The following SGCZ variants were observed in gnomAD, a reference collection of about 807,000 sequenced individuals.
SGCZ encodes the protein zeta-sarcoglycan.
In SGCZ, 40 loss-of-function variants were observed where a neutral mutation model predicts 41.3. That is an observed-to-expected ratio of 0.97 (90% CI 0.75 to 1.26). SGCZ has a LOEUF of 1.26. SGCZ is among the 50% of genes most tolerant of loss of function. The pLI is 0.00. For missense variants in SGCZ, 552 were observed against 369.8 expected (o/e 1.49, Z -4.04); for synonymous variants, 206 against 137.5 (o/e 1.50, Z -3.49).
At chr8:14,567,282 G>A (rs775111056) in intron 1 of SGCZ, among the ~76,000 whole-genome samples, 3 of 152,222 alleles carry the variant, frequency 2.0e-5, no homozygotes, top group Non-Finnish European at 4.4e-5. Context: ...GATCCACTGG[G>A]TGAAGCCAGC....
chr8:15,074,614 T>G (rs944553871), intron 1 of SGCZ, among the ~76,000 whole-genome samples: 5 of 152,160 alleles, frequency 3.3e-5, no homozygotes, highest in Non-Finnish European at 7.3e-5. Flanking sequence ...GCTTGCTTTC[T>G]TCTCTCCTCT....
intron 1 of SGCZ, among the ~76,000 whole-genome samples, chr8:14,575,292 G>T (rs1165578902): frequency 2.0e-5 from 3 of 152,254 alleles, no homozygotes; most frequent in East Asian, 1.9e-4. Flanking sequence ...AGATGTACAG[G>T]TATGGCTACT....
intron 1 of SGCZ, among the ~76,000 whole-genome samples, chr8:14,662,142 C>T (rs1442554305): frequency 2.8e-5 from 2 of 71,334 alleles, no homozygotes; most frequent in Non-Finnish European, 4.8e-5. Flanking sequence ...TGTAATACTA[C>T]TCTCTCCCCT....
At chr8:14,995,051 T>A (rs536939024) in intron 1 of SGCZ, among the ~76,000 whole-genome samples, 1 of 152,236 alleles carries the variant, frequency 6.6e-6, no homozygotes, top group Non-Finnish European at 1.5e-5. Flanking sequence ...AAATCTAACA[T>A]CACTAGGACA....
chr8:14,346,727 C>G (rs1802902335), intron 2 of SGCZ, among the ~76,000 whole-genome samples: 2 of 151,874 alleles, frequency 1.3e-5, no homozygotes, highest in Non-Finnish European at 2.9e-5. Context: ...AAATCAGATA[C>G]AGACCATACT....
intron 1 of SGCZ, among the ~76,000 whole-genome samples, chr8:14,678,699 GA>G (rs1808349067): frequency 6.6e-6 from 1 of 152,084 alleles, no homozygotes; most frequent in African/African-American, 2.4e-5. Context: ...TCCTCAAAAG[GA>G]ATTGAAAACC....
intron 1 of SGCZ, among the ~76,000 whole-genome samples, chr8:15,133,139 T>C (rs1202024998): frequency 2.6e-5 from 4 of 151,616 alleles, no homozygotes; most frequent in Admixed American, 6.6e-5. Flanking sequence ...TGATACCCTG[T>C]CTCAAAATAT....
chr8:14,845,030 G>C (rs1046077074), intron 1 of SGCZ, among the ~76,000 whole-genome samples: 8 of 152,158 alleles, frequency 5.3e-5, no homozygotes, highest in Non-Finnish European at 1.2e-4. Context: ...CTTCAGAAGA[G>C]ACAAGAGCTG....
rs181841187 is a variant in SGCZ, at chr8:14,235,770, C to T, written c.424+1822G>A. Among the ~76,000 whole-genome samples the T allele has an allele frequency of 3.3e-5, 5 of 152,180 alleles. No homozygotes were observed. In the East Asian group the frequency reaches 5.8e-4, roughly 18 times the overall value. ...CCCAATCTCGGCTCACTGCAACCTG[C>T]GCCTCCTGGGTTCGAGTGATTCTCC... On this transcript the variant is annotated intron_variant, in intron 4 of 7. Transcript: ENST00000382080.
intron 4 of SGCZ, among the ~76,000 whole-genome samples, chr8:14,224,919 A>C (rs2054424): frequency 0.99 from 151,093 of 152,298 alleles, 74,967 homozygotes; most frequent in South Asian, 1. Flanking sequence ...TAAAGAAATT[A>C]CTTTGGTTTA....
At position 14,088,085 on chromosome 8, in the gene SGCZ, C is replaced by G. The variant is rs1184131128; in HGVS notation, c.*2358G>C. On this transcript the variant is annotated 3_prime_UTR_variant, in exon 8 of 8. Transcript: ENST00000382080. ...CTTTTTTTCTCACTTTTTTTTTCAT[C>G]TTTTCTCCTCTTATGACATATAATT... Among the ~76,000 whole-genome samples the G allele has an allele frequency of 6.6e-6, 1 of 150,796 alleles. No individual in the cohort carries two copies. Among genetic ancestry groups the G allele is most frequent in the Non-Finnish European group, 1.5e-5 (1 of 67,476 alleles).
chr8:14,382,505 G>A (rs1049181214), intron 2 of SGCZ, among the ~76,000 whole-genome samples: 4 of 152,034 alleles, frequency 2.6e-5, no homozygotes, highest in African/African-American at 7.2e-5. Flanking sequence ...GATTATATAT[G>A]AGTCAGCAAC....
chr8:14,494,100 C>T (rs2117036165), intron 2 of SGCZ, among the ~76,000 whole-genome samples: 1 of 152,270 alleles, frequency 6.6e-6, no homozygotes, highest in East Asian at 1.9e-4. Flanking sequence ...GAAGCATGGA[C>T]AGAGTTTCTT....
intron 3 of SGCZ, among the ~76,000 whole-genome samples, chr8:14,265,879 G>A (rs957062920): frequency 1.3e-5 from 2 of 151,572 alleles, no homozygotes; most frequent in African/African-American, 4.8e-5. Context: ...AACTGATCAA[G>A]CAGAAGAAAT....
At chr8:15,128,165 A>T (rs975459247) in intron 1 of SGCZ, among the ~76,000 whole-genome samples, 1 of 152,094 alleles carries the variant, frequency 6.6e-6, no homozygotes, top group African/African-American at 2.4e-5. Flanking sequence ...TTGGCGATCC[A>T]GAGTCTAGGA....
intron 1 of SGCZ, among the ~76,000 whole-genome samples, chr8:15,134,789 TGTGTAACAGAAAGA>T (rs1302097501): frequency 1.3e-5 from 2 of 152,252 alleles, no homozygotes; most frequent in Admixed American, 1.3e-4. Flanking sequence ...TTTGGAAAAC[TGTGTAACAGAAAGA>T]AAAATATCTC....
At chr8:15,014,094 A>G (rs1297681116) in intron 1 of SGCZ, among the ~76,000 whole-genome samples, 1 of 152,216 alleles carries the variant, frequency 6.6e-6, no homozygotes, top group Admixed American at 6.5e-5. Flanking sequence ...CTCCCTTCTG[A>G]AATGACAGAA....
chr8:15,227,933 A>G (rs1585695822), intron 1 of SGCZ, among the ~76,000 whole-genome samples: 2 of 152,334 alleles, frequency 1.3e-5, no homozygotes, highest in South Asian at 4.1e-4. Flanking sequence ...ATACAGCACT[A>G]TTTAATTGTT....
chr8:15,088,248 C>T lies in SGCZ; in HGVS notation c.39+149337G>A, dbSNP rs182427870. On this transcript the variant is annotated intron_variant, in intron 1 of 7. Coordinates refer to ENST00000382080, the MANE Select transcript of SGCZ (RefSeq NM_139167.4). ...TGCCTACATTTACACACGCAGTAAG[C>T]GTTAAAACTGAGATTCAAGCTCTTT... 3.9e-5 allele frequency among the ~76,000 whole-genome samples: 6 copies of T among 152,196 alleles called. No individual in the cohort carries two copies. The East Asian group carries it at 9.6e-4, about 24-fold the overall frequency.
Sources: allele counts gnomAD v4.1 joint callset (sites outside exome capture counted in the v4.1 genomes callset), GRCh38; gene constraint gnomAD v4.1.1; transcripts MANE v1.5; gene names NCBI Gene and HGNC (gene_info 2026-07-23, HGNC 2026-07-21).